Variants in CNTNAP2 observed in about 807,000 individuals in gnomAD.
The protein encoded by CNTNAP2 is contactin-associated protein-like 2.
CNTNAP2 carries 98 observed loss-of-function variants against 155.2 expected under a neutral mutation model. The observed-to-expected ratio is 0.63, with a 90% CI of 0.54 to 0.75. The LOEUF is 0.75. CNTNAP2 is among the 30% of genes least tolerant of loss of function. CNTNAP2 has a pLI of 0.00. For missense variants in CNTNAP2, 1,727 were observed against 1,688.1 expected (o/e 1.02, Z -0.40); for synonymous variants, 651 against 631.2 (o/e 1.03, Z -0.47).
chr7:146,897,974 C>T (rs1034367470), intron 3 of CNTNAP2, among the ~76,000 whole-genome samples: 9 of 151,738 alleles, frequency 5.9e-5, no homozygotes, highest in Non-Finnish European at 1.3e-4. Context: ...CAGTGAATGC[C>T]GTTTACAAAT....
At chr7:146,494,613 T>C (rs1342818505) in intron 1 of CNTNAP2, among the ~76,000 whole-genome samples, 1 of 152,132 alleles carries the variant, frequency 6.6e-6, no homozygotes, top group Non-Finnish European at 1.5e-5. Flanking sequence ...TAGGAGGGTA[T>C]AGTACTGTGT....
chr7:146,700,458 T>G (rs1374240000), intron 1 of CNTNAP2, among the ~76,000 whole-genome samples: 4 of 152,154 alleles, frequency 2.6e-5, no homozygotes, highest in Non-Finnish European at 5.9e-5. Context: ...AAAATAAGTA[T>G]GTAGTAACTA....
chr7:147,198,196 C>T (rs1417660341), intron 8 of CNTNAP2, among the ~76,000 whole-genome samples: 1 of 149,604 alleles, frequency 6.7e-6, no homozygotes, highest in Non-Finnish European at 1.5e-5. Context: ...TAAAACTTGG[C>T]TAACCAAAAT....
chr7:146,926,164 T>C (rs1796605023), intron 3 of CNTNAP2, among the ~76,000 whole-genome samples: 11 of 152,148 alleles, frequency 7.2e-5, no homozygotes, highest in Admixed American at 7.2e-4. Flanking sequence ...TTCAGAATAT[T>C]TTATTATTAA....
intron 13 of CNTNAP2, among the ~76,000 whole-genome samples, chr7:147,833,983 G>T (rs1798594299): frequency 6.6e-6 from 1 of 152,230 alleles, no homozygotes; most frequent in Non-Finnish European, 1.5e-5. Flanking sequence ...AAGTCATGGA[G>T]AGGAAGGTAC....
intron 23 of CNTNAP2, among the ~76,000 whole-genome samples, chr7:148,413,487 G>A (rs67167535): frequency 0.54 from 52,696 of 98,154 alleles, 16,798 homozygotes; most frequent in African/African-American, 0.65. Flanking sequence ...TGGTTTTAGT[G>A]TCAGGATAAT....
intron 15 of CNTNAP2, among the ~76,000 whole-genome samples, chr7:148,065,009 G>A (rs539942048): frequency 7.9e-5 from 12 of 152,136 alleles, no homozygotes; most frequent in East Asian, 3.9e-4. Flanking sequence ...CATTCGGTTC[G>A]AAGAATTTTT....
At chr7:147,802,118 C>T (rs1208624649) in intron 13 of CNTNAP2, among the ~76,000 whole-genome samples, 5 of 146,802 alleles carry the variant, frequency 3.4e-5, no homozygotes, top group East Asian at 2.1e-4. Context: ...CGGGCAGAGA[C>T]GCTCCTCACC....
chr7:147,342,379 A>G (rs1795780661), intron 9 of CNTNAP2, among the ~76,000 whole-genome samples: 1 of 152,172 alleles, frequency 6.6e-6, no homozygotes, highest in African/African-American at 2.4e-5. Context: ...CTATAAAAAC[A>G]TTTGCTTATG....
chr7:146,815,112 T>G (rs1803140041), intron 2 of CNTNAP2, among the ~76,000 whole-genome samples: 1 of 152,162 alleles, frequency 6.6e-6, no homozygotes, highest in South Asian at 2.1e-4. Flanking sequence ...AGATGGCAAA[T>G]GCTTTTCACC....
intron 4 of CNTNAP2, among the ~76,000 whole-genome samples, chr7:147,078,420 A>C (rs183187229): frequency 5.3e-4 from 80 of 152,308 alleles, no homozygotes; most frequent in African/African-American, 1.8e-3. Context: ...ATATGCATTA[A>C]ACATTTCCAT....
chr7:146,721,208 T>C (rs906360823), intron 1 of CNTNAP2, among the ~76,000 whole-genome samples: 3 of 133,810 alleles, frequency 2.2e-5, no homozygotes, highest in African/African-American at 5.5e-5. Flanking sequence ...ATATTCTCTG[T>C]ATATATTCTC....
chr7:147,700,250 TG>T (rs1292900512), intron 13 of CNTNAP2, among the ~76,000 whole-genome samples: 2 of 152,158 alleles, frequency 1.3e-5, no homozygotes, highest in African/African-American at 4.8e-5. Flanking sequence ...TAATTTACCA[TG>T]GATTAAAATG....
chr7:148,187,109 TACACACACACACACACACAC>T (rs142565546), intron 18 of CNTNAP2, among the ~76,000 whole-genome samples: 1 of 49,262 alleles, frequency 2.0e-5, no homozygotes, highest in Non-Finnish European at 5.5e-5. Context: ...CAAGGAAACA[TACACACACACACACACACAC>T]ACACACACAC....
chr7:147,213,962 C>T (rs1315178083), intron 8 of CNTNAP2, among the ~76,000 whole-genome samples: 1 of 152,046 alleles, frequency 6.6e-6, no homozygotes, highest in Non-Finnish European at 1.5e-5. Flanking sequence ...TATCCTCGTC[C>T]TCAGATGATT....
At chr7:148,085,287 A>G (rs1803702135) in intron 15 of CNTNAP2, among the ~76,000 whole-genome samples, 1 of 152,244 alleles carries the variant, frequency 6.6e-6, no homozygotes, top group Non-Finnish European at 1.5e-5. Flanking sequence ...TATAAAGCTC[A>G]GAAAATTTTA....
intron 12 of CNTNAP2, among the ~76,000 whole-genome samples, chr7:147,626,848 C>T: frequency 6.6e-6 from 1 of 152,170 alleles, no homozygotes; most frequent in Non-Finnish European, 1.5e-5. Context: ...TCACTGCTAG[C>T]ATAACCATCA....
At chr7:147,367,645 A>G (rs1796257669) in intron 9 of CNTNAP2, among the ~76,000 whole-genome samples, 1 of 152,148 alleles carries the variant, frequency 6.6e-6, no homozygotes, top group Non-Finnish European at 1.5e-5. Context: ...CAAATGGAAG[A>G]ATTTACCACC....
At chr7:146,853,163 G>C (rs572949182) in intron 3 of CNTNAP2, among the ~76,000 whole-genome samples, 1 of 152,218 alleles carries the variant, frequency 6.6e-6, no homozygotes, top group Non-Finnish European at 1.5e-5. Flanking sequence ...TATCCAATGA[G>C]TTTTTCACAT....
Sources: gnomAD v4.1 joint callset for allele counts (sites outside exome capture counted in the v4.1 genomes callset) on GRCh38, gnomAD v4.1.1 for gene constraint, MANE v1.5 for transcripts, NCBI Gene and HGNC (gene_info 2026-07-23, HGNC 2026-07-21) for gene names.